Variants in TACC3 observed in about 807,000 individuals in gnomAD.
TACC3 encodes the protein transforming acidic coiled-coil containing protein 3.
Under a neutral mutation model 86.0 loss-of-function variants are expected in TACC3, and 52 were observed. That is an observed-to-expected ratio of 0.60 (90% CI 0.48 to 0.76). TACC3 has a LOEUF of 0.76. Among genes scored for constraint, TACC3 ranks in the 30% least tolerant of loss-of-function variants. The pLI, the probability that TACC3 is intolerant of heterozygous loss-of-function variation, is 0.00. For synonymous variants in TACC3, 512 were observed against 430.0 expected, an observed-to-expected ratio of 1.19 and a Z score of -2.36; for missense variants, 1,120 against 1,070.4, an observed-to-expected ratio of 1.05 and a Z score of -0.65.
Position 1,737,292 on chromosome 4 carries a change from T to C in TACC3, c.1800T>C (p.Leu600=). The change falls in exon 9 of 16, where the codon CTT becomes CTC. Residue 600 remains leucine (L), a synonymous_variant. Transcript: ENST00000313288. The part of the protein sequence containing the change: ...TPSGRPREAK[L]VEFDFLGALD... ...CAGGACGTCCGCGGGAAGCCAAGCT[T>C]GTGGAGTTCGATTTCTTGGGAGCAC... 5 of 1,614,114 alleles carry C rather than the reference T, an allele frequency of 3.1e-6. No homozygotes were observed. Among genetic ancestry groups the C allele is most frequent in the Non-Finnish European group, 2.5e-6 (3 of 1,180,014 alleles).
Position 1,723,498 on chromosome 4 carries a change from C to A in TACC3, c.77C>A (p.Pro26Gln). The part of the protein sequence containing the change: ...NTENCDFLFS[P>Q]PEVTGRSSVL... The stretch of plus-strand genomic sequence containing the variant: ...GAAAATTGCGACTTCCTGTTTTCGC[C>A]ACCAGAAGTTACCGGAAGATCGTCT... Residue 26 changes from proline to glutamine, a missense_variant, in exon 2 of 16, where the codon CCA becomes CAA. By Grantham distance (76) the Pro-to-Gln change is moderately conservative. Transcript: ENST00000313288. The A allele has an allele frequency of 6.2e-7, 1 of 1,613,798 alleles. No homozygotes were observed. Among genetic ancestry groups the A allele is most frequent in the Non-Finnish European group, 8.5e-7 (1 of 1,180,004 alleles).
chr4:1,726,238 A>G (rs953389327), intron 3 of TACC3, among the ~76,000 whole-genome samples: 1 of 152,060 alleles, frequency 6.6e-6, no homozygotes, highest in East Asian at 1.9e-4. Flanking sequence ...GTGCCACTCC[A>G]CTGTAGCAGG....
intron 6 of TACC3, among the ~76,000 whole-genome samples, chr4:1,734,835 AT>A (rs1486361838): frequency 6.6e-6 from 1 of 151,948 alleles, no homozygotes; most frequent in African/African-American, 2.4e-5. Context: ...TAATTTTTGT[AT>A]TTTTTGTACA....
upstream of TACC3, chr4:1,721,161 C>A (rs886617254): frequency 4.7e-5 from 10 of 210,722 alleles, no homozygotes; most frequent in Admixed American, 3.0e-4. Flanking sequence ...TGCGGCCTCT[C>A]TTCTCGGCCG....
At chr4:1,737,103 C>A in intron 8 of TACC3, 138 bp from the exon 9 acceptor site, 1 of 675,718 alleles carries the variant, frequency 1.5e-6, no homozygotes, top group Non-Finnish European at 2.6e-6. Context: ...TGCGGGTCTG[C>A]GTTTTCTACC....
At chr4:1,730,177 T>C (rs1156415433) in intron 4 of TACC3, among the ~76,000 whole-genome samples, 2 of 152,204 alleles carry the variant, frequency 1.3e-5, no homozygotes, top group Non-Finnish European at 2.9e-5. Flanking sequence ...TAGCTGGGAC[T>C]GCAGGCACCC....
Position 1,735,623 on chromosome 4 carries a change from G to A in TACC3, c.1645-108G>A. The stretch of plus-strand genomic sequence containing the variant: ...GTTGTGGGTGACCGGGGGTGGGAGT[G>A]TGCGGGTGACCGGGGGTGGGAGTGT... On this transcript the variant is annotated intron_variant, in intron 7 of 15. Transcript: ENST00000313288. This position sits in a 1 kb window ranked among gnomAD's most constrained non-coding sequence, Gnocchi z 4.2. The A allele has an allele frequency of 1.1e-6, 1 of 886,532 alleles. No individual in the cohort carries two copies. Among genetic ancestry groups the A allele is most frequent in the Non-Finnish European group, 1.8e-6 (1 of 542,810 alleles). 54.9% of individuals were successfully genotyped at this position (886,532 alleles called of 1,614,324 possible). A position where few individuals can be genotyped will look rare whatever the true frequency, so the allele number is the denominator to read the frequency against.
At position 1,728,044 on chromosome 4, in the gene TACC3, G is replaced by A. The variant is rs775074890; in HGVS notation, c.642G>A (p.Ala214=). 13 of 1,542,396 alleles carry A rather than the reference G, an allele frequency of 8.4e-6. No individual in the cohort carries two copies. Among genetic ancestry groups the A allele is most frequent in the Admixed American group, 5.2e-5 (3 of 57,874 alleles). Residue 214 remains alanine, a synonymous_variant, in exon 4 of 16, where the codon GCG becomes GCA. Coordinates refer to ENST00000313288, the MANE Select transcript of TACC3 (RefSeq NM_006342.3). The part of the protein sequence containing the change: ...DPCRTESQHK[A]ETPHGAEEEC... ...GCAGGACAGAGTCCCAGCACAAAGC[G>A]GAGACTCCGCACGGAGCCGAGGAAG...
At position 1,737,628 on chromosome 4, in the gene TACC3, C is replaced by A. The variant is rs1352571487; in HGVS notation, c.1867C>A (p.Pro623Thr). The A allele has an allele frequency of 9.8e-6, 15 of 1,531,850 alleles. No individual in the cohort carries two copies. Among genetic ancestry groups the A allele is most frequent in the Admixed American group, 4.1e-5 (2 of 48,620 alleles). The allele number at this position is 1,531,850 out of a possible 1,614,324, so 94.9% of individuals were successfully genotyped here. The change falls in exon 10 of 16, where the codon CCT becomes ACT. Residue 623 changes from proline to threonine, a missense_variant. Transcript: ENST00000313288. ...AGGCCCACCCCCAGGTGTTCCCGCG[C>A]CTGGGGGCCCACCCCTGTCCACCGG... The part of the protein sequence containing the change: ...VPGPPPGVPA[P>T]GGPPLSTGPI...
chr4:1,730,503 T>C (rs3819376), intron 4 of TACC3: 68,154 of 386,418 alleles, frequency 0.18, 6,656 homozygotes, highest in African/African-American at 0.21. Flanking sequence ...CTTGTGCCCT[T>C]GGTGTCTTGC....
chr4:1,733,624 C>G (rs1718109836), intron 6 of TACC3, among the ~76,000 whole-genome samples: 1 of 152,186 alleles, frequency 6.6e-6, no homozygotes, highest in South Asian at 2.1e-4. Context: ...CACTACTGCA[C>G]TCCAGTCTGG....
intron 13 of TACC3, 72 bp downstream of exon 13, chr4:1,741,058 A>G (rs1718575897): frequency 6.8e-7 from 1 of 1,463,060 alleles, no homozygotes. Flanking sequence ...GCGGGGCTAC[A>G]AGCTGCTGTC....
intron 1 of TACC3, chr4:1,721,976 G>A (rs55784570): frequency 0.21 from 31,419 of 152,098 alleles, 3,611 homozygotes; most frequent in Non-Finnish European, 0.26. Context: ...CTCTTTGTTG[G>A]CTCCCAGCAC....
intron 1 of TACC3, among the ~76,000 whole-genome samples, chr4:1,722,822 C>T (rs77232207): frequency 0.13 from 19,576 of 152,244 alleles, 1,583 homozygotes; most frequent in Non-Finnish European, 0.18. Context: ...GTGGAAGTTC[C>T]TTGGCACCTG....
chr4:1,739,986 T>TG lies in TACC3; in HGVS notation c.2047dup (p.Val683GlyfsTer18), dbSNP rs1718499264. The TG allele has an allele frequency of 1.2e-6, 2 of 1,612,960 alleles. No homozygotes were observed. Among genetic ancestry groups the TG allele is most frequent in the Non-Finnish European group, 1.7e-6 (2 of 1,180,002 alleles). Reference sequence around the variant, plus strand: ...AGATCATGGACAGGTTCGAAGAGGTTGTGTACCAGGCCATGGGTGAGTGCC... The same window carrying TG: ...AGATCATGGACAGGTTCGAAGAGGTTGGTGTACCAGGCCATGGGTGAGTGCC... On this transcript the variant is annotated frameshift_variant, in exon 12 of 16. Transcript: ENST00000313288. LOFTEE classifies it high-confidence loss of function.
intron 12 of TACC3, chr4:1,740,249 G>A (rs1718518482): frequency 3.4e-6 from 2 of 582,916 alleles, no homozygotes; most frequent in South Asian, 2.0e-5. Context: ...CAGATGCTGA[G>A]CTAGCAGTGG....
Position 1,727,970 on chromosome 4 carries a change from T to G in TACC3, c.568T>G (p.Ser190Ala), listed in dbSNP as rs757798309. 8 of 1,613,308 alleles carry G rather than the reference T, an allele frequency of 5.0e-6. No individual in the cohort carries two copies. The East Asian group carries it at 1.6e-4, about 31-fold the overall frequency. ...QAVEENLSSYSLDRRVTPASE... is the reference protein window; with the variant it reads ...QAVEENLSSYALDRRVTPASE... The stretch of plus-strand genomic sequence containing the variant: ...CGTGGAGGAAAACCTTAGTTCCTAT[T>G]CCTTAGACAGAAGAGTGACACCCGC... The change falls in exon 4 of 16, where the codon TCC becomes GCC. Residue 190 changes from serine to alanine, a missense_variant. Physicochemically the swap from Ser to Ala is moderately conservative, Grantham distance 99. Coordinates refer to ENST00000313288, the MANE Select transcript of TACC3 (RefSeq NM_006342.3).
At position 1,727,752 on chromosome 4, in the gene TACC3, T is replaced by A; in HGVS notation, c.350T>A (p.Ile117Asn). The stretch of plus-strand genomic sequence containing the variant: ...GTGGATGCCAAAACTACTCATGGAA[T>A]TCTACAGAAACCAGTGGAGGCTGAC... ...KEVDAKTTHG[I>N]LQKPVEADTD... The change falls in exon 4 of 16, where the codon ATT (isoleucine) becomes AAT (asparagine). Residue 117 changes from isoleucine to asparagine, a missense_variant. Transcript: ENST00000313288. The A allele has an allele frequency of 1.2e-6, 2 of 1,603,724 alleles. No homozygotes were observed. The highest frequency in any genetic ancestry group is 1.7e-6 in the Non-Finnish European group (2 of 1,174,606).
chr4:1,740,560 A>G, intron 12 of TACC3: 1 of 415,776 alleles, frequency 2.4e-6, no homozygotes, highest in East Asian at 4.6e-5. Flanking sequence ...CCTAGGCTCT[A>G]GGGTGTTGGG....
Sources: allele counts gnomAD v4.1 joint callset (sites outside exome capture counted in the v4.1 genomes callset), GRCh38; gene constraint gnomAD v4.1.1; non-coding constraint Gnocchi (gnomAD v3.1); transcripts MANE v1.5; gene names NCBI Gene and HGNC (gene_info 2026-07-23, HGNC 2026-07-21).